The following CYP2C19 variants were observed in gnomAD, a reference collection of about 807,000 sequenced individuals.
The protein encoded by CYP2C19 is cytochrome P450 2C19.
A neutral mutation model predicts 40.9 loss-of-function variants in CYP2C19; 59 were observed. The ratio of observed to expected loss-of-function variants is 1.44; its 90% CI spans 1.17 to 1.79. The LOEUF (loss-of-function observed/expected upper bound fraction) is 1.79. Ranked by LOEUF, CYP2C19 falls within the 40% of genes most tolerant of loss-of-function variation. The pLI is 0.00. For synonymous variants in CYP2C19, 253 were observed against 208.7 expected (o/e 1.21, Z -1.83); for missense variants, 754 against 596.9 (o/e 1.26, Z -2.74).
chr10:94,844,566 T>A (rs1401739052), intron 7 of CYP2C19, among the ~76,000 whole-genome samples: 1 of 152,156 alleles, frequency 6.6e-6, no homozygotes, highest in African/African-American at 2.4e-5. Flanking sequence ...TTAGTAAAAT[T>A]AAAAATAATA....
chr10:94,818,976 C>T (rs1156443598), intron 5 of CYP2C19, among the ~76,000 whole-genome samples: 1 of 151,114 alleles, frequency 6.6e-6, no homozygotes, highest in Non-Finnish European at 1.5e-5. Context: ...CAAAATTGAC[C>T]ACATAGTTGG....
chr10:94,812,655 C>T (rs1056102309), intron 5 of CYP2C19, among the ~76,000 whole-genome samples: 5 of 152,174 alleles, frequency 3.3e-5, no homozygotes, highest in African/African-American at 1.2e-4. Flanking sequence ...CTTTCTTCTG[C>T]TTTATCAATT....
intron 3 of CYP2C19, among the ~76,000 whole-genome samples, chr10:94,778,844 CAA>C (rs1020938296): frequency 6.6e-6 from 1 of 152,072 alleles, no homozygotes; most frequent in Non-Finnish European, 1.5e-5. Flanking sequence ...TTTACAATAG[CAA>C]AGACTTGGAA....
chr10:94,774,848 A>G, intron 1 of CYP2C19: 2 of 587,952 alleles, frequency 3.4e-6, no homozygotes, highest in Non-Finnish European at 6.0e-6. Context: ...TCTGTGTAGC[A>G]ATTGTCTGAC....
At chr10:94,769,551 G>T (rs2134232162) in intron 1 of CYP2C19, among the ~76,000 whole-genome samples, 1 of 152,296 alleles carries the variant, frequency 6.6e-6, no homozygotes, top group Non-Finnish European at 1.5e-5. Context: ...AGGAATTACT[G>T]CCTCATTGAT....
rs145958663 is a variant in CYP2C19 at position 94,842,233 on chromosome 10, T to C, written c.962-604T>C. ...TCTTGCCAAGCTGACTGCTTTATCATCAATTGTCATATTCTTTGTCTCTTC... is the reference window on the plus strand; with the variant it reads ...TCTTGCCAAGCTGACTGCTTTATCACCAATTGTCATATTCTTTGTCTCTTC... On this transcript the variant is annotated intron_variant, in intron 6 of 8. Transcript: ENST00000371321. Among the ~76,000 whole-genome samples, 473 of 151,966 alleles carry C rather than the reference T, an allele frequency of 3.1e-3. 3 individuals are homozygous for C. The highest frequency in any genetic ancestry group is 0.011 in the African/African-American group (450 of 41,246).
At chr10:94,831,234 AC>A (rs1314644678) in intron 6 of CYP2C19, among the ~76,000 whole-genome samples, 1 of 152,048 alleles carries the variant, frequency 6.6e-6, no homozygotes, top group Non-Finnish European at 1.5e-5. Context: ...GCTGAATAGA[AC>A]TCCATTGTGT....
intron 5 of CYP2C19, among the ~76,000 whole-genome samples, chr10:94,797,082 G>C (rs1184224972): frequency 6.6e-6 from 1 of 152,070 alleles, no homozygotes; most frequent in Non-Finnish European, 1.5e-5. Context: ...TTTTCAAAGG[G>C]AATGCTTCCA....
At chr10:94,794,112 C>T (rs1031135847) in intron 5 of CYP2C19, among the ~76,000 whole-genome samples, 1 of 152,144 alleles carries the variant, frequency 6.6e-6, no homozygotes, top group African/African-American at 2.4e-5. Flanking sequence ...TCTCAGACTG[C>T]TGTGCTAGCA....
chr10:94,832,245 A>G (rs1849346065), intron 6 of CYP2C19, among the ~76,000 whole-genome samples: 1 of 152,194 alleles, frequency 6.6e-6, no homozygotes, highest in African/African-American at 2.4e-5. Flanking sequence ...CGGGTAATTT[A>G]TAAAGGGAAG....
intron 6 of CYP2C19, among the ~76,000 whole-genome samples, chr10:94,823,063 G>A (rs1392717443): frequency 6.6e-6 from 1 of 152,058 alleles, no homozygotes; most frequent in South Asian, 2.1e-4. Flanking sequence ...AGCAAATGGA[G>A]GAATAATAAA....
In CYP2C19 at chr10:94,853,735, A is replaced by G. The variant is rs1478411817; in HGVS notation, c.*821A>G. Among the ~76,000 whole-genome samples the G allele has an allele frequency of 1.3e-5, 2 of 151,822 alleles. No individual in the cohort carries two copies. The highest frequency in any genetic ancestry group is 4.8e-5 in the African/African-American group (2 of 41,328). On this transcript the variant is annotated 3_prime_UTR_variant, in exon 9 of 9. Transcript: ENST00000371321. ...TAATTTTTTTGTATTTTTAGTACAG[A>G]CAGGGTTTCACCATGTTAGCCAGGA...
chr10:94,795,814 G>T (rs1848676668), intron 5 of CYP2C19, among the ~76,000 whole-genome samples: 1 of 152,046 alleles, frequency 6.6e-6, no homozygotes, highest in Non-Finnish European at 1.5e-5. Flanking sequence ...TTTGAGAAGT[G>T]TCTGTTCATA....
intron 5 of CYP2C19, among the ~76,000 whole-genome samples, chr10:94,808,697 T>C (rs554344923): frequency 6.6e-6 from 1 of 152,330 alleles, no homozygotes; most frequent in East Asian, 1.9e-4. Flanking sequence ...TTTGTCTTTC[T>C]GTTCCTGGTT....
chr10:94,845,785 T>A (rs1055515700), intron 7 of CYP2C19, among the ~76,000 whole-genome samples: 5 of 152,132 alleles, frequency 3.3e-5, no homozygotes, highest in African/African-American at 4.8e-5. Flanking sequence ...CAAGGGAATA[T>A]TTTTTAAAAC....
chr10:94,852,215 A>T (rs1375672640), intron 8 of CYP2C19, among the ~76,000 whole-genome samples: 1 of 150,806 alleles, frequency 6.6e-6, no homozygotes, highest in Non-Finnish European at 1.5e-5. Context: ...TAGGACAGAC[A>T]GGGAAGCCAT....
intron 7 of CYP2C19, among the ~76,000 whole-genome samples, chr10:94,845,540 T>C (rs1429599089): frequency 6.6e-6 from 1 of 152,200 alleles, no homozygotes; most frequent in East Asian, 1.9e-4. Context: ...ATTTAAAGAA[T>C]ATTTGTCAGC....
At position 94,850,125 on chromosome 10, in the gene CYP2C19, A is replaced by G. The variant is rs1034093349; in HGVS notation, c.1291+67A>G. On this transcript the variant is annotated intron_variant, in intron 8 of 8. Transcript: ENST00000371321. ...TAACTTTTTTGATCAGTTGGAACTT[A>G]CATGTGCCTTCTCTGCAGTGGTACA... 1.9e-6 allele frequency: 3 copies of G among 1,559,690 alleles called. No individual in the cohort carries two copies. The Admixed American group carries it at 5.0e-5, about 26-fold the overall frequency.
intron 6 of CYP2C19, among the ~76,000 whole-genome samples, chr10:94,828,956 G>C (rs963926103): frequency 1.2e-4 from 19 of 152,026 alleles, no homozygotes; most frequent in South Asian, 4.1e-4. Context: ...ATTCTGGGTT[G>C]AAAATTCTTT....
Sources: allele counts gnomAD v4.1 joint callset (sites outside exome capture counted in the v4.1 genomes callset), GRCh38; gene constraint gnomAD v4.1.1; transcripts MANE v1.5; gene names NCBI Gene and HGNC (gene_info 2026-07-23, HGNC 2026-07-21).